AGBL1: variants seen among roughly 807,000 people sequenced by gnomAD.
The protein encoded by AGBL1 is AGBL carboxypeptidase 1.
Under a neutral mutation model 118.9 loss-of-function variants are expected in AGBL1, and 130 were observed. The observed-to-expected ratio is 1.09, with a 90% CI of 0.95 to 1.26. The LOEUF (loss-of-function observed/expected upper bound fraction) is 1.26. AGBL1 is among the 50% of genes most tolerant of loss of function. AGBL1 has a pLI of 0.00. For missense variants in AGBL1, 1,584 were observed against 1,298.1 expected, an observed-to-expected ratio of 1.22 and a Z score of -3.38; for synonymous variants, 555 against 478.9, an observed-to-expected ratio of 1.16 and a Z score of -2.08.
At chr15:86,332,645 CAAAAA>C (rs60036454) in intron 17 of AGBL1, among the ~76,000 whole-genome samples, 1 of 89,038 alleles carries the variant, frequency 1.1e-5, no homozygotes. Flanking sequence ...GACTCCATCT[CAAAAA>C]AAAAAAAAAA....
At chr15:86,749,959 G>C (rs1348657632) in intron 22 of AGBL1, among the ~76,000 whole-genome samples, 2 of 152,120 alleles carry the variant, frequency 1.3e-5, no homozygotes, top group Non-Finnish European at 2.9e-5. Context: ...AGGGATATTG[G>C]TCTAAAATTC....
At chr15:86,717,907 G>A (rs558983997) in intron 22 of AGBL1, among the ~76,000 whole-genome samples, 2 of 151,984 alleles carry the variant, frequency 1.3e-5, no homozygotes, top group East Asian at 1.9e-4. Flanking sequence ...GTGAAACCCC[G>A]TCTCTACTAA....
intron 17 of AGBL1, among the ~76,000 whole-genome samples, chr15:86,344,283 G>A (rs2080503981): frequency 6.6e-6 from 1 of 152,184 alleles, no homozygotes; most frequent in South Asian, 2.1e-4. Context: ...ACAATGAATG[G>A]CAGCAGCGTT....
At chr15:86,081,398 G>A (rs1324989772) in intron 1 of AGBL1, among the ~76,000 whole-genome samples, 3 of 152,174 alleles carry the variant, frequency 2.0e-5, no homozygotes, top group Admixed American at 2.0e-4. Flanking sequence ...ACCAATAAGT[G>A]CAACCTTCAG....
chr15:86,349,137 AG>A (rs986187223), intron 17 of AGBL1, among the ~76,000 whole-genome samples: 3 of 152,242 alleles, frequency 2.0e-5, no homozygotes, highest in African/African-American at 7.2e-5. Context: ...AAAAGAAACA[AG>A]AAAGTATTCT....
chr15:86,690,132 G>A (rs994166801), intron 22 of AGBL1, among the ~76,000 whole-genome samples: 1 of 152,138 alleles, frequency 6.6e-6, no homozygotes, highest in Non-Finnish European at 1.5e-5. Context: ...TAAGTAAAGA[G>A]TGATACATAC....
At chr15:86,597,048 T>C (rs2084418846) in intron 21 of AGBL1, among the ~76,000 whole-genome samples, 1 of 152,166 alleles carries the variant, frequency 6.6e-6, no homozygotes, top group Non-Finnish European at 1.5e-5. Flanking sequence ...CACAGCAAGA[T>C]GGATTTATCC....
intron 23 of AGBL1, chr15:86,987,980 A>G: frequency 6.2e-7 from 1 of 1,613,024 alleles, no homozygotes; most frequent in South Asian, 1.1e-5. Context: ...TTATCTGAAC[A>G]TTACAGATTA....
At chr15:86,949,940 T>C (rs1016997424) in intron 23 of AGBL1, among the ~76,000 whole-genome samples, 5 of 152,088 alleles carry the variant, frequency 3.3e-5, no homozygotes, top group African/African-American at 1.2e-4. Context: ...GGAATGATTG[T>C]ATGTAGAGTA....
intron 5 of AGBL1, among the ~76,000 whole-genome samples, chr15:86,208,915 C>T (rs947449165): frequency 2.0e-5 from 3 of 152,100 alleles, no homozygotes; most frequent in East Asian, 1.9e-4. Context: ...GTTAGGGTGT[C>T]GATTTTAGAT....
At chr15:86,810,404 G>T in intron 22 of AGBL1, among the ~76,000 whole-genome samples, 1 of 152,080 alleles carries the variant, frequency 6.6e-6, no homozygotes, top group Non-Finnish European at 1.5e-5. Flanking sequence ...ACATGAAATT[G>T]CCCATCACTC....
At chr15:86,478,885 A>T (rs527418754) in intron 18 of AGBL1, among the ~76,000 whole-genome samples, 1 of 152,320 alleles carries the variant, frequency 6.6e-6, no homozygotes, top group East Asian at 1.9e-4. Flanking sequence ...CAAAACAGAG[A>T]TATAGACCAA....
At chr15:86,713,519 C>A (rs1476111766) in intron 22 of AGBL1, among the ~76,000 whole-genome samples, 1 of 151,988 alleles carries the variant, frequency 6.6e-6, no homozygotes, top group East Asian at 1.9e-4. Flanking sequence ...TCCCCAGTGC[C>A]CATAGAGCAC....
At chr15:86,959,946 G>A (rs1000316113) in intron 23 of AGBL1, among the ~76,000 whole-genome samples, 1 of 151,992 alleles carries the variant, frequency 6.6e-6, no homozygotes, top group Admixed American at 6.6e-5. Context: ...AGGGGAAATG[G>A]GATTAGCTCT....
chr15:86,919,573 G>GACACACACAC (rs376501612), downstream of AGBL1, among the ~76,000 whole-genome samples: 12 of 128,738 alleles, frequency 9.3e-5, no homozygotes, highest in African/African-American at 2.1e-4. Flanking sequence ...TCCCTGTTGA[G>GACACACACAC]ACACACACAC....
In AGBL1 at chr15:86,104,538, G is replaced by C. The variant is rs148537804; in HGVS notation, c.51+24515G>C. Among the ~76,000 whole-genome samples, 125 of 152,244 alleles carry C rather than the reference G, an allele frequency of 8.2e-4. 1 individual carries two copies. The highest frequency in any genetic ancestry group is 2.7e-3 in the African/African-American group (112 of 41,552). ...GCAGCAGCCAGTAGTGGCAATGGCTGTATGTGGGGGAGTCTTCTCTCAGGG... is the reference window on the plus strand; with the variant it reads ...GCAGCAGCCAGTAGTGGCAATGGCTCTATGTGGGGGAGTCTTCTCTCAGGG... On this transcript the variant is annotated intron_variant, in intron 1 of 22. Coordinates refer to ENST00000614907, the MANE Select transcript of AGBL1 (RefSeq NM_001386094.1).
Position 86,814,787 on chromosome 15 carries a change from T to C in AGBL1, c.3159-92300T>C, listed in dbSNP as rs2078836885. Among the ~76,000 whole-genome samples, 4 of 152,214 alleles carry C rather than the reference T, an allele frequency of 2.6e-5. No homozygotes were observed. The South Asian group carries it at 6.2e-4, about 24-fold the overall frequency. On this transcript the variant is annotated intron_variant, in intron 22 of 22. Coordinates refer to ENST00000614907, the MANE Select transcript of AGBL1 (RefSeq NM_001386094.1). ...AGAAAACAGTCAATTTTTGATTTCT[T>C]AAACAAGTTAATTCTTTGGGACTTT...
intron 22 of AGBL1, among the ~76,000 whole-genome samples, chr15:86,823,756 GT>G (rs2078971928): frequency 6.6e-6 from 1 of 152,078 alleles, no homozygotes. Context: ...TGGGTTTAAT[GT>G]TTTATCAAAG....
intron 1 of AGBL1, among the ~76,000 whole-genome samples, chr15:86,127,251 C>G (rs140056475): frequency 3.5e-4 from 54 of 152,302 alleles, no homozygotes; most frequent in African/African-American, 1.3e-3. Flanking sequence ...GTATGATTTA[C>G]TGACTCTTCT....
Sources: gnomAD v4.1 joint callset for allele counts (sites outside exome capture counted in the v4.1 genomes callset) on GRCh38, gnomAD v4.1.1 for gene constraint, MANE v1.5 for transcripts, NCBI Gene and HGNC (gene_info 2026-07-23, HGNC 2026-07-21) for gene names.